The following DENND4A variants were observed in gnomAD, a reference collection of about 807,000 sequenced individuals.
DENND4A encodes the protein DENN domain containing 4A, also known as C-myc promoter-binding protein.
A neutral mutation model predicts 199.3 loss-of-function variants in DENND4A; 70 were observed. That is an observed-to-expected ratio of 0.35 (90% CI 0.29 to 0.43). The LOEUF is 0.43. Ranked by LOEUF, DENND4A falls within the 20% of genes least tolerant of loss-of-function variation. The pLI is 1.00. For synonymous variants in DENND4A, 686 were observed against 766.9 expected, an observed-to-expected ratio of 0.89 and a Z score of 1.74; for missense variants, 1,723 against 2,255.8, an observed-to-expected ratio of 0.76 and a Z score of 4.78.
At chr15:65,688,509 G>A (rs1248525224) in intron 23 of DENND4A, among the ~76,000 whole-genome samples, 1 of 152,178 alleles carries the variant, frequency 6.6e-6, no homozygotes, top group Admixed American at 6.5e-5. Context: ...GCAAACACTT[G>A]AGTTATATTC....
At chr15:65,687,426 A>G (rs1160114952) in intron 23 of DENND4A, among the ~76,000 whole-genome samples, 6 of 152,004 alleles carry the variant, frequency 3.9e-5, no homozygotes, top group African/African-American at 1.4e-4. Context: ...GAGGCAAAAA[A>G]GTAATCTTTT....
At chr15:65,689,609 C>T (rs1648365285) in intron 23 of DENND4A, among the ~76,000 whole-genome samples, 1 of 152,190 alleles carries the variant, frequency 6.6e-6, no homozygotes, top group Non-Finnish European at 1.5e-5. Context: ...TGAGGCCCTC[C>T]TCCCTCTGGC....
chr15:65,746,371 T>C (rs866167393), intron 4 of DENND4A, among the ~76,000 whole-genome samples: 238 of 34,676 alleles, frequency 6.9e-3, no homozygotes, highest in African/African-American at 0.054. Context: ...TTTTTTCTCT[T>C]TTTTTTTTTT....
At chr15:65,672,410 A>G (rs2076243163) in intron 24 of DENND4A, among the ~76,000 whole-genome samples, 1 of 152,140 alleles carries the variant, frequency 6.6e-6, no homozygotes. Flanking sequence ...GGATTGCTTC[A>G]GGCCAGGAAT....
intron 15 of DENND4A, among the ~76,000 whole-genome samples, chr15:65,705,419 A>T (rs2075016107): frequency 6.6e-6 from 1 of 152,214 alleles, no homozygotes; most frequent in Admixed American, 6.5e-5. Flanking sequence ...AAATAAATGC[A>T]TATTGGGAAC....
At chr15:65,679,697 AT>A (rs961819800) in intron 23 of DENND4A, among the ~76,000 whole-genome samples, 106 of 145,496 alleles carry the variant, frequency 7.3e-4, no homozygotes, top group Admixed American at 9.6e-4. Flanking sequence ...CACCTGGCTA[AT>A]TTTTTTTTTT....
intron 1 of DENND4A, among the ~76,000 whole-genome samples, chr15:65,769,244 G>A (rs1016531634): frequency 6.7e-6 from 1 of 148,864 alleles, no homozygotes. Flanking sequence ...CTCAACTGTG[G>A]TAGGTAATGC....
intron 9 of DENND4A, 143 bp from the exon 10 acceptor site, chr15:65,729,821 C>G (rs1034986105): frequency 5.8e-5 from 42 of 725,260 alleles, no homozygotes; most frequent in Non-Finnish European, 8.7e-5. Context: ...ATATATTCAC[C>G]GTTAAACATG....
At chr15:65,725,809 A>G (rs1242857826) in intron 11 of DENND4A, among the ~76,000 whole-genome samples, 1 of 152,218 alleles carries the variant, frequency 6.6e-6, no homozygotes, top group Non-Finnish European at 1.5e-5. Context: ...TTTCTTCAGA[A>G]ATTTCTTCAT....
At chr15:65,774,289 G>A (rs1457133321) in intron 1 of DENND4A, among the ~76,000 whole-genome samples, 1 of 152,154 alleles carries the variant, frequency 6.6e-6, no homozygotes, top group East Asian at 1.9e-4. Context: ...TGGGGAGTTT[G>A]AGACCAGCCT....
intron 12 of DENND4A, among the ~76,000 whole-genome samples, chr15:65,720,616 C>G (rs1023582473): frequency 6.4e-4 from 96 of 150,366 alleles, no homozygotes; most frequent in Non-Finnish European, 1.2e-3. Context: ...TTTACTATGT[C>G]GGCCAGGCTG....
chr15:65,748,160 G>A (rs759352405), intron 4 of DENND4A, among the ~76,000 whole-genome samples: 3 of 150,670 alleles, frequency 2.0e-5, no homozygotes, highest in Non-Finnish European at 2.9e-5. Flanking sequence ...GTTGAAATGC[G>A]TATAAAATCT....
chr15:65,778,809 G>T (rs1182752512), intron 1 of DENND4A, among the ~76,000 whole-genome samples: 1 of 150,288 alleles, frequency 6.7e-6, no homozygotes. Context: ...CAGGAGAATC[G>T]CTTGAACCCA....
At chr15:65,738,612 A>C (rs1238658047) in intron 6 of DENND4A, 94 bp downstream of exon 6, 1 of 1,092,700 alleles carries the variant, frequency 9.2e-7, no homozygotes, top group African/African-American at 1.6e-5. Flanking sequence ...TAATCATTCA[A>C]TTTAATCAGT....
chr15:65,737,576 G>T, intron 7 of DENND4A, 131 bp downstream of exon 7: 1 of 932,968 alleles, frequency 1.1e-6, no homozygotes, highest in Non-Finnish European at 1.6e-6. Context: ...CTACCTGACT[G>T]AAATAAACCA....
At chr15:65,664,943 A>C (rs1291761047) in intron 30 of DENND4A, 1 of 490,446 alleles carries the variant, frequency 2.0e-6, no homozygotes, top group Non-Finnish European at 3.5e-6. Context: ...ACAATAACTA[A>C]GAATATTGTT....
intron 23 of DENND4A, among the ~76,000 whole-genome samples, chr15:65,685,141 T>C (rs1217519698): frequency 6.6e-6 from 1 of 151,906 alleles, no homozygotes; most frequent in Admixed American, 6.6e-5. Flanking sequence ...ATTTTTTTTT[T>C]TTTGAGACCG....
rs1470382714 is a variant in DENND4A, at chr15:65,746,123, A to T, written c.562-4339T>A. Among the ~76,000 whole-genome samples the T allele has an allele frequency of 2.0e-5, 3 of 151,742 alleles. No homozygotes were observed. In the East Asian group the frequency reaches 5.8e-4, roughly 29 times the overall value. On this transcript the variant is annotated intron_variant, in intron 4 of 32. Coordinates refer to ENST00000443035, the MANE Select transcript of DENND4A (RefSeq NM_001320835.1). ...ACCATCGCACTCCAGCCTGGGCGAC[A>T]AGAGTGAAACTCCGTCTCAAAAAAA...
chr15:65,742,142 T>C (rs2140483907), intron 4 of DENND4A, among the ~76,000 whole-genome samples: 1 of 152,338 alleles, frequency 6.6e-6, no homozygotes, highest in South Asian at 2.1e-4. Context: ...CCACAATCTG[T>C]TTCAGATATT....
Sources: gnomAD v4.1 joint callset for allele counts (sites outside exome capture counted in the v4.1 genomes callset) on GRCh38, gnomAD v4.1.1 for gene constraint, MANE v1.5 for transcripts, NCBI Gene and HGNC (gene_info 2026-07-23, HGNC 2026-07-21) for gene names.